CLNK: variants seen among roughly 807,000 people sequenced by gnomAD.
CLNK encodes the protein cytokine-dependent hematopoietic cell linker.
A neutral mutation model predicts 68.6 loss-of-function variants in CLNK; 74 were observed. That is an observed-to-expected ratio of 1.08 (90% CI 0.89 to 1.31). CLNK has a LOEUF of 1.31. CLNK is among the 50% of genes most tolerant of loss of function. CLNK has a pLI of 0.00. For synonymous variants in CLNK, 198 were observed against 172.2 expected, an observed-to-expected ratio of 1.15 and a Z score of -1.17; for missense variants, 553 against 515.3, an observed-to-expected ratio of 1.07 and a Z score of -0.71.
At chr4:10,553,047 GA>G (rs1043738135) in intron 8 of CLNK, among the ~76,000 whole-genome samples, 4 of 129,396 alleles carry the variant, frequency 3.1e-5, no homozygotes, top group Admixed American at 1.6e-4. Flanking sequence ...CTGGCAGGAA[GA>G]GGAGGGGGGG....
intron 16 of CLNK, among the ~76,000 whole-genome samples, chr4:10,510,364 A>G (rs1717526066): frequency 6.6e-6 from 1 of 152,348 alleles, no homozygotes; most frequent in African/African-American, 2.4e-5. Flanking sequence ...GAAGAAGAGC[A>G]GTCCTTATGC....
At chr4:10,654,942 AAT>A (rs1723905048) in intron 2 of CLNK, among the ~76,000 whole-genome samples, 1 of 152,082 alleles carries the variant, frequency 6.6e-6, no homozygotes, top group East Asian at 1.9e-4. Context: ...CTCTACTAAA[AAT>A]ATAAAAAATT....
intron 2 of CLNK, among the ~76,000 whole-genome samples, chr4:10,599,719 C>T (rs1445516616): frequency 6.6e-6 from 1 of 151,908 alleles, no homozygotes; most frequent in Non-Finnish European, 1.5e-5. Flanking sequence ...CCCCCTCTAT[C>T]ATTGACATCA....
intron 2 of CLNK, among the ~76,000 whole-genome samples, chr4:10,606,478 T>C (rs1721796886): frequency 1.3e-5 from 2 of 151,970 alleles, no homozygotes; most frequent in Admixed American, 6.6e-5. Flanking sequence ...AAAATAACAA[T>C]AAAAAGTATA....
chr4:10,520,991 A>T (rs890607977), intron 14 of CLNK, among the ~76,000 whole-genome samples, 160 bp from the exon 15 acceptor site: 2 of 152,220 alleles, frequency 1.3e-5, no homozygotes, highest in Admixed American at 1.3e-4. Flanking sequence ...TTTGAAAAGC[A>T]CTAGGAGGCA....
intron 6 of CLNK, among the ~76,000 whole-genome samples, chr4:10,565,206 T>A (rs946418520): frequency 6.6e-6 from 1 of 152,204 alleles, no homozygotes; most frequent in Admixed American, 6.5e-5. Context: ...GTATGGATCC[T>A]GCATTGTTTG....
At chr4:10,591,496 C>G (rs1250031745) in intron 3 of CLNK, among the ~76,000 whole-genome samples, 3 of 152,172 alleles carry the variant, frequency 2.0e-5, no homozygotes, top group Admixed American at 1.3e-4. Flanking sequence ...CAATGTGGTG[C>G]TGAATGGGTA....
chr4:10,493,192 C>A (rs534224504), intron 18 of CLNK, among the ~76,000 whole-genome samples: 20 of 152,194 alleles, frequency 1.3e-4, no homozygotes, highest in Non-Finnish European at 2.2e-4. Flanking sequence ...GTGGCATGTG[C>A]CTGTAATCCC....
intron 2 of CLNK, among the ~76,000 whole-genome samples, chr4:10,622,235 T>G (rs1577175252): frequency 6.6e-6 from 1 of 152,296 alleles, no homozygotes; most frequent in South Asian, 2.1e-4. Context: ...TATAATGATA[T>G]TATTCCCATT....
At chr4:10,699,281 C>CGTATGTGTGT in the CLNK span, among the ~76,000 whole-genome samples, 888 of 63,516 alleles carry the variant, frequency 0.014, 109 homozygotes, top group African/African-American at 0.041. Flanking sequence ...ACACACACCA[C>CGTATGTGTGT]ATACGTGTAT....
intron 18 of CLNK, among the ~76,000 whole-genome samples, chr4:10,498,091 AG>A (rs1442511782): frequency 1.3e-5 from 2 of 152,322 alleles, no homozygotes; most frequent in African/African-American, 4.8e-5. Context: ...GCTACTCGGG[AG>A]GCTGAGGCAG....
At chr4:10,596,598 T>C (rs1258557205) in intron 3 of CLNK, among the ~76,000 whole-genome samples, 1 of 152,240 alleles carries the variant, frequency 6.6e-6, no homozygotes, top group African/African-American at 2.4e-5. Flanking sequence ...AGTTGATTTA[T>C]ATATCTCAAA....
intron 4 of CLNK, among the ~76,000 whole-genome samples, chr4:10,581,679 C>A (rs968579280): frequency 4.6e-5 from 7 of 151,258 alleles, no homozygotes; most frequent in African/African-American, 1.7e-4. Flanking sequence ...TAAATCTGTG[C>A]CTAAAGCTGG....
At chr4:10,605,702 C>T (rs1479794535) in intron 2 of CLNK, among the ~76,000 whole-genome samples, 2 of 151,024 alleles carry the variant, frequency 1.3e-5, no homozygotes, top group Non-Finnish European at 2.9e-5. Flanking sequence ...GTGGTGCACA[C>T]CTGTAGTCTC....
intron 2 of CLNK, among the ~76,000 whole-genome samples, chr4:10,666,976 G>A (rs770897123): frequency 6.6e-6 from 1 of 152,196 alleles, no homozygotes. Context: ...TACAGTCATT[G>A]CAGTCCCCTA....
intron 3 of CLNK, among the ~76,000 whole-genome samples, chr4:10,593,653 G>GAAAACAAAAC (rs372454935): frequency 3.5e-4 from 54 of 152,164 alleles, no homozygotes; most frequent in African/African-American, 1.3e-3. Context: ...GACTCAGTCT[G>GAAAACAAAAC]AAAACAAAAC....
the CLNK span, among the ~76,000 whole-genome samples, chr4:10,699,663 C>A: frequency 2.2e-3 from 337 of 151,358 alleles, no homozygotes; most frequent in Non-Finnish European, 3.4e-3. Flanking sequence ...CAGCTGCCTG[C>A]CACCACACCC....
At position 10,513,573 on chromosome 4, in the gene CLNK, C is replaced by A. The variant is rs1486567027; in HGVS notation, c.797G>T (p.Cys266Phe). 5 of 1,605,744 alleles carry A rather than the reference C, an allele frequency of 3.1e-6. No homozygotes were observed. The East Asian group carries it at 9.0e-5, about 29-fold the overall frequency. Residue 266 changes from cysteine to phenylalanine, a missense_variant, in exon 16 of 19, where the codon TGT becomes TTT. By Grantham distance (205) the Cys-to-Phe change is radical. Coordinates refer to ENST00000226951, the MANE Select transcript of CLNK (RefSeq NM_052964.4). ...TGGAGGCTGGCATCTCTGAGGAGAA[C>A]AGGGCTGCATGCCTCCTCTATGATC... ...NRDHRGGMQPCSPQRCQPPAS... is the reference protein window; with the variant it reads ...NRDHRGGMQPFSPQRCQPPAS...
chr4:10,577,130 T>A (rs1054128065), intron 4 of CLNK, among the ~76,000 whole-genome samples: 18 of 152,198 alleles, frequency 1.2e-4, no homozygotes, highest in African/African-American at 4.3e-4. Context: ...TTTAGCACTC[T>A]CTATTTCCCT....
Sources: allele counts gnomAD v4.1 joint callset (sites outside exome capture counted in the v4.1 genomes callset), GRCh38; gene constraint gnomAD v4.1.1; transcripts MANE v1.5; gene names NCBI Gene and HGNC (gene_info 2026-07-23, HGNC 2026-07-21).